Variants in ZAN observed in about 807,000 individuals in gnomAD.
ZAN encodes zonadhesin.
A neutral mutation model predicts 286.2 loss-of-function variants in ZAN; 260 were observed. That is an observed-to-expected ratio of 0.91 (90% CI 0.82 to 1.01). The LOEUF is 1.01. Ranked by LOEUF, ZAN falls within the 50% of genes least tolerant of loss-of-function variation. The pLI is 0.00. For missense variants in ZAN, 3,410 were observed against 3,639.2 expected, an observed-to-expected ratio of 0.94 and a Z score of 1.62; for synonymous variants, 1,368 against 1,417.5, an observed-to-expected ratio of 0.97 and a Z score of 0.79.
Position 100,788,156 on chromosome 7 carries a change from CTGGTG to C in ZAN, c.7227+21_7227+25del. ...CTTGTGGTAAGAGCTGGGCCAGGGC[CTGGTG>C]GGTGTGGGGAGGCAGCTGGACCAGG... On this transcript the variant is annotated intron_variant, in intron 38 of 47. Transcript: ENST00000613979. 4.8e-6 allele frequency: 7 copies of C among 1,458,760 alleles called. No individual in the cohort carries two copies. The highest frequency in any genetic ancestry group is 5.5e-6 in the Non-Finnish European group (6 of 1,092,140). 90.4% of individuals were successfully genotyped at this position (1,458,760 alleles called of 1,614,324 possible). A position where few individuals can be genotyped will look rare whatever the true frequency, so the allele number is the denominator to read the frequency against.
chr7:100,788,160 T>C (rs1477425124), intron 38 of ZAN, 24 bp downstream of exon 38: 11 of 1,458,502 alleles, frequency 7.5e-6, no homozygotes, highest in African/African-American at 2.8e-5. Flanking sequence ...CAGGGCCTGG[T>C]GGGTGTGGGG....
At position 100,773,447 on chromosome 7, in the gene ZAN, C is replaced by T. The variant is rs556969322; in HGVS notation, c.5588C>T (p.Pro1863Leu). ...GHILSGTSCV[P>L]LGQCGCTDPA... ...ATCTTGAGTGGAACCTCCTGCGTGC[C>T]CCTTGGCCAGTGTGGCTGCACTGAC... Residue 1863 changes from proline (P) to leucine (L), a missense_variant, in exon 30 of 48, where the codon CCC becomes CTC. Coordinates refer to ENST00000613979, the MANE Select transcript of ZAN (RefSeq NM_003386.3). 6.2e-7 allele frequency: 1 copy of T among 1,613,950 alleles called. No homozygotes were observed. Among genetic ancestry groups the T allele is most frequent in the Admixed American group, 1.7e-5 (1 of 60,004 alleles).
Position 100,763,827 on chromosome 7 carries a change from G to A in ZAN, c.4008G>A (p.Val1336=), listed in dbSNP as rs374726161. ...GCAGGTGTCAGAAGTACCAGGTGGT[G>A]AATTCCCCGTCTTGTGATTCATCTC... ...EDQECQKYQV[V]NSPSCDSSLQ... The change falls in exon 21 of 48, where the codon GTG becomes GTA. Residue 1336 remains valine (V), a synonymous_variant. Transcript: ENST00000613979. The surrounding 1 kb of genome is among the most constrained non-coding windows in gnomAD (Gnocchi z 4.6). The A allele has an allele frequency of 9.2e-5, 149 of 1,614,032 alleles. No homozygotes were observed. In the African/African-American group the frequency reaches 1.6e-3, roughly 17 times the overall value.
intron 31 of ZAN, among the ~76,000 whole-genome samples, chr7:100,774,880 C>T (rs376224905): frequency 8.6e-5 from 13 of 151,736 alleles, no homozygotes; most frequent in South Asian, 2.1e-4. Context: ...CTCCTCCACC[C>T]GTAAACCTCA....
rs1809061773 is a variant in ZAN, at chr7:100,755,278, CA to C, written c.3179del (p.Lys1060ArgfsTer137). The C allele has an allele frequency of 1.9e-6, 3 of 1,613,854 alleles. No individual in the cohort carries two copies. On this transcript the variant is annotated frameshift_variant, in exon 15 of 48. Coordinates refer to ENST00000613979, the MANE Select transcript of ZAN (RefSeq NM_003386.3). LOFTEE classifies it high-confidence loss of function. ...AATCCTGTGCTTGTCCTGCTTCGTG[CA>C]AGAGCCCCAGGCCTAGCTGTGGGCC... is the stretch of plus-strand genomic sequence containing the variant. ...YESCACPASC[K>X]SPRPSCGPLC... is the part of the protein sequence containing the mutation.
chr7:100,753,545 G>A (rs372501243), intron 14 of ZAN, among the ~76,000 whole-genome samples: 15 of 151,902 alleles, frequency 9.9e-5, no homozygotes, highest in African/African-American at 2.7e-4. Flanking sequence ...ATTCTAGGCC[G>A]GGCACGGTAG....
intron 39 of ZAN, among the ~76,000 whole-genome samples, chr7:100,789,637 C>G (rs187405662): frequency 7.2e-5 from 11 of 151,914 alleles, no homozygotes; most frequent in Admixed American, 3.9e-4. Context: ...TAGTGAGACC[C>G]CCGTCTCTAC....
At chr7:100,742,191 G>T (rs1807840747) in intron 7 of ZAN, among the ~76,000 whole-genome samples, 1 of 106,484 alleles carries the variant, frequency 9.4e-6, no homozygotes, top group Non-Finnish European at 2.0e-5. Flanking sequence ...CCCAGACGGG[G>T]TCTCGGCCGG....
rs183698224 is a variant in ZAN, at chr7:100,784,572, C to T, written c.6623-51C>T. The T allele has an allele frequency of 1.9e-3, 2,992 of 1,594,142 alleles. 6 individuals are homozygous for T. Among genetic ancestry groups the T allele is most frequent in the Non-Finnish European group, 2.3e-3 (2,660 of 1,167,196 alleles). On this transcript the variant is annotated intron_variant, in intron 35 of 47. Transcript: ENST00000613979. ...CTTGGTTTGTACAGCCCCTGCCCAC[C>T]TTGGCCCCCTGTGACCCTCTCCACT...
Position 100,767,258 on chromosome 7 carries a change from G to C in ZAN, c.4860+1G>C, listed in dbSNP as rs969746007. 3.7e-6 allele frequency: 6 copies of C among 1,605,442 alleles called. No individual in the cohort carries two copies. In the Admixed American group the frequency reaches 1.0e-4, roughly 27 times the overall value. On this transcript the variant is annotated splice_donor_variant, in intron 25 of 47. Transcript: ENST00000613979. LOFTEE classifies it high-confidence loss of function. ...ACTGCTCAGAGGCTGTAAGGTCATG[G>C]TGGGTGTCTTCCTCCTGCCTCCTGG...
intron 13 of ZAN, 86 bp from the exon 14 acceptor site, chr7:100,751,626 T>C (rs1049975194): frequency 5.6e-6 from 8 of 1,437,558 alleles, no homozygotes; most frequent in Middle Eastern, 1.8e-4. Flanking sequence ...AAGCCACCCA[T>C]GGGAGCCCAC....
intron 7 of ZAN, among the ~76,000 whole-genome samples, chr7:100,745,564 TG>T (rs1248076072): frequency 2.7e-5 from 4 of 149,656 alleles, no homozygotes; most frequent in African/African-American, 9.9e-5. Context: ...CCAGTTTGCG[TG>T]AATAGGTTAT....
Position 100,758,199 on chromosome 7 carries a change from C to T in ZAN, c.3310-3C>T, listed in dbSNP as rs1357174344. 1 of 1,610,052 alleles carries T rather than the reference C, an allele frequency of 6.2e-7. No homozygotes were observed. Among genetic ancestry groups the T allele is most frequent in the Non-Finnish European group, 8.5e-7 (1 of 1,177,890 alleles). ...TGTGTGACCTCACATCCCTTTCTCC[C>T]AGCCTGGGGCAGAGTGGTTCAGCCC... On this transcript the variant is annotated splice_region_variant and splice_polypyrimidine_tract_variant and intron_variant, in intron 15 of 47. Coordinates refer to ENST00000613979, the MANE Select transcript of ZAN (RefSeq NM_003386.3).
intron 26 of ZAN, among the ~76,000 whole-genome samples, chr7:100,768,283 C>T (rs1422110368): frequency 1.3e-5 from 2 of 152,120 alleles, no homozygotes; most frequent in African/African-American, 4.8e-5. Flanking sequence ...ACCAGCCTGG[C>T]CAACATGGCA....
At chr7:100,738,877 CCCT>C (rs1418407552) in intron 7 of ZAN, among the ~76,000 whole-genome samples, 1 of 14,262 alleles carries the variant, frequency 7.0e-5, no homozygotes, top group Admixed American at 7.5e-4. Flanking sequence ...TTCTTCTTCT[CCCT>C]CTCCCTCTCC....
Position 100,784,698 on chromosome 7 carries a change from G to A in ZAN, c.6698G>A (p.Gly2233Asp). Residue 2233 changes from glycine to aspartate, a missense_variant, in exon 36 of 48, where the codon GGC becomes GAC. Physicochemically the swap from Gly to Asp is moderately conservative, Grantham distance 94. Coordinates refer to ENST00000613979, the MANE Select transcript of ZAN (RefSeq NM_003386.3). Reference sequence around the variant, plus strand: ...TCACCCTCCTGCTGGGACCTGGATGGCCGGTGTGAGGGCGCCAAAGTCCCC... The same window carrying A: ...TCACCCTCCTGCTGGGACCTGGATGACCGGTGTGAGGGCGCCAAAGTCCCC... ...SCSPSCWDLD[G>D]RCEGAKVPSA... 1 of 1,613,942 alleles carries A rather than the reference G, an allele frequency of 6.2e-7. No homozygotes were observed. Among genetic ancestry groups the A allele is most frequent in the Non-Finnish European group, 8.5e-7 (1 of 1,179,892 alleles).
At chr7:100,734,365 A>T (rs1256938245) in intron 2 of ZAN, 144 bp downstream of exon 2, 1 of 540,038 alleles carries the variant, frequency 1.9e-6, no homozygotes, top group African/African-American at 2.1e-5. Context: ...CACGCCTGTA[A>T]TCCCAGCACT....
At position 100,792,391 on chromosome 7, in the gene ZAN, C is replaced by T. The variant is rs561712334; in HGVS notation, c.7713-14C>T. 5 of 1,596,880 alleles carry T rather than the reference C, an allele frequency of 3.1e-6. No homozygotes were observed. Among genetic ancestry groups the T allele is most frequent in the Admixed American group, 1.7e-5 (1 of 58,028 alleles). Reference sequence around the variant, plus strand: ...CAAACTGACTGTGCCCTTCCTGCCCCCTCTCTGCACCAGGCACTGCGTGCT... The same window carrying T: ...CAAACTGACTGTGCCCTTCCTGCCCTCTCTCTGCACCAGGCACTGCGTGCT... On this transcript the variant is annotated splice_polypyrimidine_tract_variant and intron_variant, in intron 41 of 47. Coordinates refer to ENST00000613979, the MANE Select transcript of ZAN (RefSeq NM_003386.3).
chr7:100,734,868 CTT>C (rs1267320942), intron 2 of ZAN, among the ~76,000 whole-genome samples: 2 of 140,200 alleles, frequency 1.4e-5, no homozygotes, highest in Non-Finnish European at 3.2e-5. Flanking sequence ...ATGAGAGAGA[CTT>C]AAGTACGAGG....
Sources: gnomAD v4.1 joint callset for allele counts (sites outside exome capture counted in the v4.1 genomes callset) on GRCh38, gnomAD v4.1.1 for gene constraint, Gnocchi (gnomAD v3.1) non-coding constraint, MANE v1.5 for transcripts, NCBI Gene and HGNC (gene_info 2026-07-23, HGNC 2026-07-21) for gene names.